The following FBXL7 variants were observed in gnomAD, a reference collection of about 807,000 sequenced individuals.
The protein encoded by FBXL7 is F-box and leucine rich repeat protein 7, also known as F-box/LRR-repeat protein 7.
In FBXL7, 12 loss-of-function variants were observed where a neutral mutation model predicts 38.3. The ratio of observed to expected loss-of-function variants is 0.31; its 90% CI spans 0.20 to 0.51. The LOEUF (loss-of-function observed/expected upper bound fraction) is 0.51. FBXL7 is among the 20% of genes least tolerant of loss of function. The pLI is 0.98. For missense variants in FBXL7, 567 were observed against 676.4 expected, an observed-to-expected ratio of 0.84 and a Z score of 1.79; for synonymous variants, 297 against 300.9, an observed-to-expected ratio of 0.99 and a Z score of 0.13.
At chr5:15,628,367 A>G (rs962877658) in intron 2 of FBXL7, among the ~76,000 whole-genome samples, 2 of 152,178 alleles carry the variant, frequency 1.3e-5, no homozygotes, top group Non-Finnish European at 2.9e-5. Context: ...ATGGACCCAA[A>G]GAAGATGGAT....
At chr5:15,544,663 T>TA (rs1737852219) in intron 1 of FBXL7, among the ~76,000 whole-genome samples, 1 of 152,266 alleles carries the variant, frequency 6.6e-6, no homozygotes, top group Non-Finnish European at 1.5e-5. Flanking sequence ...TGCTCATGAT[T>TA]AATCTCAGAG....
intron 2 of FBXL7, among the ~76,000 whole-genome samples, chr5:15,678,056 A>T (rs949827308): frequency 4.6e-5 from 7 of 152,120 alleles, no homozygotes; most frequent in African/African-American, 1.2e-4. Flanking sequence ...TGTCTCCTGC[A>T]TGGGAAATGA....
chr5:15,740,460 T>A (rs549792389), intron 2 of FBXL7, among the ~76,000 whole-genome samples: 2 of 152,314 alleles, frequency 1.3e-5, no homozygotes, highest in South Asian at 4.1e-4. Flanking sequence ...ATTTATAATA[T>A]ATCCACTGCT....
chr5:15,586,147 T>C (rs1739296047), intron 1 of FBXL7, among the ~76,000 whole-genome samples: 1 of 151,806 alleles, frequency 6.6e-6, no homozygotes, highest in South Asian at 2.1e-4. Flanking sequence ...ATCTGGGGGG[T>C]ATTAAGATTG....
At position 15,684,317 on chromosome 5, in the gene FBXL7, G is replaced by A. The variant is rs926616016; in HGVS notation, c.127+68245G>A. 2.6e-5 allele frequency among the ~76,000 whole-genome samples: 4 copies of A among 152,176 alleles called. 1 individual carries two copies. Among genetic ancestry groups the A allele is most frequent in the South Asian group, 4.1e-4 (2 of 4,832 alleles). ...ATGACATGAGAAAGGTGTGTGCACG[G>A]TATCTAGGTAAGAGGTATGTGGTCC... On this transcript the variant is annotated intron_variant, in intron 2 of 3. Coordinates refer to ENST00000504595, the MANE Select transcript of FBXL7 (RefSeq NM_012304.5).
chr5:15,677,051 A>G (rs773879609), intron 2 of FBXL7, among the ~76,000 whole-genome samples: 40 of 152,360 alleles, frequency 2.6e-4, no homozygotes, highest in Admixed American at 7.8e-4. Context: ...AACCTCTTTC[A>G]TGTTGGCTGA....
intron 2 of FBXL7, among the ~76,000 whole-genome samples, chr5:15,898,471 A>G (rs1741157124): frequency 6.6e-6 from 1 of 152,244 alleles, no homozygotes; most frequent in African/African-American, 2.4e-5. Flanking sequence ...GGGAGAAAGC[A>G]GAAGGGATAT....
intron 1 of FBXL7, among the ~76,000 whole-genome samples, chr5:15,527,213 A>G (rs1052962891): frequency 6.6e-6 from 1 of 152,220 alleles, no homozygotes; most frequent in African/African-American, 2.4e-5. Flanking sequence ...TTAAGTAAGC[A>G]TTCGTCAGTA....
intron 1 of FBXL7, among the ~76,000 whole-genome samples, chr5:15,600,060 A>G (rs990631455): frequency 3.9e-5 from 6 of 152,236 alleles, no homozygotes; most frequent in African/African-American, 1.4e-4. Context: ...ACATGCTCAA[A>G]TGAGCTTCAT....
intron 2 of FBXL7, among the ~76,000 whole-genome samples, chr5:15,849,459 A>G (rs1739026680): frequency 6.6e-6 from 1 of 152,198 alleles, no homozygotes; most frequent in Non-Finnish European, 1.5e-5. Context: ...AGATAATTGA[A>G]TTGTGGGAGT....
At chr5:15,792,057 G>A (rs1163279644) in intron 2 of FBXL7, among the ~76,000 whole-genome samples, 4 of 152,110 alleles carry the variant, frequency 2.6e-5, no homozygotes, top group African/African-American at 9.7e-5. Flanking sequence ...TCATCTTGGA[G>A]CTTTACCAAT....
At chr5:15,670,115 G>A (rs573459495) in intron 2 of FBXL7, among the ~76,000 whole-genome samples, 6 of 152,228 alleles carry the variant, frequency 3.9e-5, no homozygotes, top group Admixed American at 6.5e-5. Context: ...GGGATTATTT[G>A]TTACTACAGC....
At chr5:15,801,174 T>A (rs1737554736) in intron 2 of FBXL7, among the ~76,000 whole-genome samples, 1 of 152,200 alleles carries the variant, frequency 6.6e-6, no homozygotes, top group Non-Finnish European at 1.5e-5. Context: ...GTTAACCACA[T>A]CTACAAAATA....
chr5:15,716,845 A>C (rs1744054669), intron 2 of FBXL7, among the ~76,000 whole-genome samples: 2 of 152,190 alleles, frequency 1.3e-5, no homozygotes, highest in African/African-American at 2.4e-5. Flanking sequence ...TCTTAGTGGA[A>C]TATAGAATGG....
At chr5:15,701,967 G>A (rs1024934319) in intron 2 of FBXL7, among the ~76,000 whole-genome samples, 10 of 152,272 alleles carry the variant, frequency 6.6e-5, no homozygotes, top group South Asian at 2.1e-4. Flanking sequence ...AGCCAGGTGC[G>A]GTGGTTCACG....
chr5:15,636,896 C>T (rs1741203127), intron 2 of FBXL7, among the ~76,000 whole-genome samples: 3 of 152,002 alleles, frequency 2.0e-5, no homozygotes, highest in Admixed American at 6.6e-5. Context: ...ATCAGAAATT[C>T]ACATAGTTGA....
chr5:15,523,946 A>C (rs1340435271), intron 1 of FBXL7, among the ~76,000 whole-genome samples: 1 of 152,194 alleles, frequency 6.6e-6, no homozygotes, highest in Non-Finnish European at 1.5e-5. Context: ...GTTTTACAGT[A>C]TGAGCTAATG....
chr5:15,699,611 G>A (rs1446647679), intron 2 of FBXL7, among the ~76,000 whole-genome samples: 1 of 152,180 alleles, frequency 6.6e-6, no homozygotes, highest in Non-Finnish European at 1.5e-5. Context: ...AACCCATAAT[G>A]CAGAAAGAAG....
chr5:15,671,903 G>A (rs1272492780), intron 2 of FBXL7, among the ~76,000 whole-genome samples: 1 of 152,158 alleles, frequency 6.6e-6, no homozygotes, highest in South Asian at 2.1e-4. Flanking sequence ...CCTTTGAAAG[G>A]CATTTTGGGT....
Sources: gnomAD v4.1 joint callset for allele counts (sites outside exome capture counted in the v4.1 genomes callset) on GRCh38, gnomAD v4.1.1 for gene constraint, MANE v1.5 for transcripts, NCBI Gene and HGNC (gene_info 2026-07-23, HGNC 2026-07-21) for gene names.